TFDP2: variants seen among roughly 807,000 people sequenced by gnomAD.
TFDP2 encodes transcription factor Dp-2, also known as transcription factor Dp-2 (E2F dimerization partner 2).
TFDP2 carries 17 observed loss-of-function variants against 59.3 expected under a neutral mutation model. The ratio of observed to expected loss-of-function variants is 0.29; its 90% CI spans 0.20 to 0.43. The LOEUF is 0.43. TFDP2 is among the 20% of genes least tolerant of loss of function. The pLI, the probability that TFDP2 is intolerant of heterozygous loss-of-function variation, is 1.00. For synonymous variants in TFDP2, 180 were observed against 194.7 expected (o/e 0.92, Z 0.63); for missense variants, 391 against 528.8 (o/e 0.74, Z 2.56).
At chr3:142,026,306 C>T (rs1031919169) in intron 3 of TFDP2, among the ~76,000 whole-genome samples, 1 of 151,180 alleles carries the variant, frequency 6.6e-6, no homozygotes, top group Admixed American at 6.6e-5. Flanking sequence ...AGCGAGATTC[C>T]GTCTCAAAAA....
intron 3 of TFDP2, among the ~76,000 whole-genome samples, chr3:142,007,935 G>A (rs2031885367): frequency 6.6e-6 from 1 of 152,166 alleles, no homozygotes; most frequent in Non-Finnish European, 1.5e-5. Flanking sequence ...CTCACCTCCT[G>A]CTGTGTGGCC....
intron 8 of TFDP2, among the ~76,000 whole-genome samples, chr3:141,971,374 TAAAAAAA>T (rs56219575): frequency 8.0e-4 from 64 of 80,010 alleles, no homozygotes; most frequent in Non-Finnish European, 3.4e-4. Context: ...TCGTCTCTAC[TAAAAAAA>T]AAAAAAAAAA....
chr3:142,069,327 T>C (rs948819505), intron 3 of TFDP2, among the ~76,000 whole-genome samples: 23 of 152,238 alleles, frequency 1.5e-4, no homozygotes, highest in African/African-American at 5.5e-4. Context: ...CACAATTTAT[T>C]TAACTACATC....
chr3:142,022,710 C>T (rs1027750531), intron 3 of TFDP2, among the ~76,000 whole-genome samples: 9 of 152,086 alleles, frequency 5.9e-5, no homozygotes, highest in African/African-American at 1.7e-4. Flanking sequence ...GCTCACAGTC[C>T]GAGAGGGTAG....
intron 3 of TFDP2, among the ~76,000 whole-genome samples, chr3:142,078,674 G>A (rs1201921114): frequency 2.6e-5 from 4 of 152,114 alleles, no homozygotes; most frequent in Non-Finnish European, 4.4e-5. Flanking sequence ...TTCCCAAGAA[G>A]CACAGGTACA....
At chr3:142,147,951 T>C (rs770567716) in intron 1 of TFDP2, among the ~76,000 whole-genome samples, 2 of 151,996 alleles carry the variant, frequency 1.3e-5, no homozygotes, top group Non-Finnish European at 2.9e-5. Context: ...GAAGCTGCAA[T>C]ATAGATCAAT....
intron 3 of TFDP2, among the ~76,000 whole-genome samples, chr3:142,062,017 C>G (rs1322313146): frequency 1.3e-5 from 2 of 151,598 alleles, no homozygotes; most frequent in African/African-American, 2.4e-5. Flanking sequence ...GCCTCTGCCA[C>G]CCGAGACGGC....
chr3:142,143,168 T>G (rs113340345), intron 1 of TFDP2, among the ~76,000 whole-genome samples: 12,655 of 152,076 alleles, frequency 0.083, 655 homozygotes, highest in Middle Eastern at 0.14. Flanking sequence ...CCTGGGAGGC[T>G]GAGGTTGCAG....
At position 141,970,062 on chromosome 3, in the gene TFDP2, G is replaced by T. The variant is rs752265299; in HGVS notation, c.732+11C>A. ...ACAGGGAAGGTAATGAAAACATCTCGGTATCTTTACCTGTAGGAGAAGTTC... is the reference window on the plus strand; with the variant it reads ...ACAGGGAAGGTAATGAAAACATCTCTGTATCTTTACCTGTAGGAGAAGTTC... On this transcript the variant is annotated intron_variant, in intron 9 of 12. Coordinates refer to ENST00000489671, the MANE Select transcript of TFDP2 (RefSeq NM_001178139.2). 3 of 1,612,540 alleles carry T rather than the reference G, an allele frequency of 1.9e-6. No individual in the cohort carries two copies. The South Asian group carries it at 3.3e-5, about 18-fold the overall frequency.
intron 9 of TFDP2, among the ~76,000 whole-genome samples, chr3:141,966,582 TTTGA>T (rs1449836938): frequency 2.6e-5 from 4 of 151,864 alleles, no homozygotes; most frequent in Non-Finnish European, 5.9e-5. Flanking sequence ...TTTGTTGCCC[TTTGA>T]TTGATTTCCT....
chr3:142,054,958 T>G (rs1469520197), intron 3 of TFDP2, among the ~76,000 whole-genome samples: 8 of 152,174 alleles, frequency 5.3e-5, no homozygotes, highest in African/African-American at 1.9e-4. Context: ...AACCTGATTT[T>G]CAGAAGAGCC....
intron 3 of TFDP2, among the ~76,000 whole-genome samples, chr3:142,009,001 A>G (rs1310072447): frequency 6.6e-6 from 1 of 152,156 alleles, no homozygotes; most frequent in African/African-American, 2.4e-5. Flanking sequence ...TGCTCTATGC[A>G]TCTCCTTCTT....
intron 8 of TFDP2, among the ~76,000 whole-genome samples, chr3:141,972,365 T>C (rs957947775): frequency 2.0e-5 from 3 of 152,222 alleles, no homozygotes; most frequent in Non-Finnish European, 4.4e-5. Flanking sequence ...GTTAATTTTA[T>C]TTCCAACCCA....
intron 1 of TFDP2, among the ~76,000 whole-genome samples, chr3:142,113,174 A>G (rs1379787167): frequency 1.3e-5 from 2 of 152,262 alleles, no homozygotes; most frequent in African/African-American, 4.8e-5. Flanking sequence ...TTCCAGTTTA[A>G]CAAAGCTTTA....
At chr3:142,101,657 G>GA in intron 2 of TFDP2, 78 bp downstream of exon 2, 1 of 943,320 alleles carries the variant, frequency 1.1e-6, no homozygotes, top group East Asian at 2.7e-5. Flanking sequence ...TGGTTAACCA[G>GA]AATGGTGAGA....
In TFDP2 at chr3:141,995,006, T is replaced by C. The variant is rs1477661180; in HGVS notation, c.308+14A>G. 6.5e-7 allele frequency: 1 copy of C among 1,546,090 alleles called. No individual in the cohort carries two copies. Among genetic ancestry groups the C allele is most frequent in the Non-Finnish European group, 8.7e-7 (1 of 1,148,088 alleles). On this transcript the variant is annotated intron_variant, in intron 5 of 12. Transcript: ENST00000489671. ...TTTTAAGGTTTTAAAAATAGTAACTTGCAACACTCTTACCCAGGGACCCAG... is the reference window on the plus strand; with the variant it reads ...TTTTAAGGTTTTAAAAATAGTAACTCGCAACACTCTTACCCAGGGACCCAG...
chr3:142,020,304 G>C (rs754367703), intron 3 of TFDP2, among the ~76,000 whole-genome samples: 2 of 152,158 alleles, frequency 1.3e-5, no homozygotes, highest in Non-Finnish European at 2.9e-5. Context: ...GGGAGGCCAA[G>C]GTGGGTGGAT....
rs976245327 is a variant in TFDP2 at position 141,966,393 on chromosome 3, G to A, written c.733-2430C>T. 2.4e-4 allele frequency among the ~76,000 whole-genome samples: 37 copies of A among 151,584 alleles called. 2 individuals are homozygous for A. The highest frequency in any genetic ancestry group is 9.0e-4 in the African/African-American group (37 of 41,038). On this transcript the variant is annotated intron_variant, in intron 9 of 12. Coordinates refer to ENST00000489671, the MANE Select transcript of TFDP2 (RefSeq NM_001178139.2). Reference sequence around the variant, plus strand: ...TTACCATATTGGCCAGGCTGGTCTCGAACTCCTGACCTTGTGATCTGCCCA... The same window carrying A: ...TTACCATATTGGCCAGGCTGGTCTCAAACTCCTGACCTTGTGATCTGCCCA...
At chr3:142,125,230 A>C (rs1449212862) in intron 1 of TFDP2, among the ~76,000 whole-genome samples, 2 of 152,132 alleles carry the variant, frequency 1.3e-5, no homozygotes, top group African/African-American at 4.8e-5. Context: ...AAAATCCCAC[A>C]AATTGCTTCT....
Sources: gnomAD v4.1 joint callset for allele counts (sites outside exome capture counted in the v4.1 genomes callset) on GRCh38, gnomAD v4.1.1 for gene constraint, MANE v1.5 for transcripts, NCBI Gene and HGNC (gene_info 2026-07-23, HGNC 2026-07-21) for gene names.